The following INTS1 variants were observed in gnomAD, a reference collection of about 807,000 sequenced individuals.
INTS1 encodes the protein integrator complex subunit 1.
Under a neutral mutation model 241.6 loss-of-function variants are expected in INTS1, and 137 were observed. The ratio of observed to expected loss-of-function variants is 0.57; its 90% CI spans 0.49 to 0.65. The LOEUF (loss-of-function observed/expected upper bound fraction) is 0.65, where lower values mean the gene tolerates loss of function less well. Ranked by LOEUF, INTS1 falls within the 30% of genes least tolerant of loss-of-function variation. The pLI, the probability that INTS1 is intolerant of heterozygous loss-of-function variation, is 0.00. For missense variants in INTS1, 3,073 were observed against 3,032.2 expected (o/e 1.01, Z -0.32); for synonymous variants, 1,692 against 1,337.8 (o/e 1.26, Z -5.78).
chr7:1,503,224 T>C, intron 2 of INTS1, 33 bp from the exon 3 acceptor site: 1 of 1,512,870 alleles, frequency 6.6e-7, no homozygotes, highest in Non-Finnish European at 8.8e-7. Context: ...ACCGGGCACA[T>C]TTGCAACACC....
intron 31 of INTS1, 83 bp from the exon 32 acceptor site, chr7:1,478,968 A>G (rs999609404): frequency 2.1e-6 from 3 of 1,452,282 alleles, no homozygotes; most frequent in Non-Finnish European, 2.8e-6. Flanking sequence ...AGGGCCCGTG[A>G]GGCTGCTGAG....
At chr7:1,479,749 G>A in intron 30 of INTS1, 65 bp from the exon 31 acceptor site, 1 of 1,417,222 alleles carries the variant, frequency 7.1e-7, no homozygotes, top group Non-Finnish European at 9.2e-7. Flanking sequence ...CAGCGGAGAG[G>A]CTAAGCGCCC....
intron 26 of INTS1, chr7:1,483,196 C>T (rs537087981): frequency 1.3e-3 from 287 of 218,686 alleles, no homozygotes; most frequent in Admixed American, 4.1e-3. Context: ...CCCCCTTCCC[C>T]CACTGACAGA....
Position 1,502,936 on chromosome 7 carries a change from G to T in INTS1, c.314C>A (p.Pro105Gln). 1.2e-6 allele frequency: 2 copies of T among 1,613,842 alleles called. No individual in the cohort carries two copies. Among genetic ancestry groups the T allele is most frequent in the Non-Finnish European group, 1.7e-6 (2 of 1,179,876 alleles). ...AAVAEKRAIS[P>Q]SIKEPSVVPI... Reference sequence around the variant, plus strand: ...CACCACAGATGGCTCTTTAATCGACGGAGAAATGGCTCGTTTTTCTGCCAC... The same window carrying T: ...CACCACAGATGGCTCTTTAATCGACTGAGAAATGGCTCGTTTTTCTGCCAC... The change falls in exon 3 of 48, where the codon CCG becomes CAG. Residue 105 changes from proline to glutamine, a missense_variant. Physicochemically the swap from Pro to Gln is moderately conservative, Grantham distance 76. Transcript: ENST00000404767.
In INTS1 at chr7:1,473,547, G is replaced by A. The variant is rs1200178669; in HGVS notation, c.5957+19C>T. ...CTCGCCGGAGGCCCGAGGCTTCCCTGCAGCCCGTGGGCACTCACTGGAGCG... is the reference window on the plus strand; with the variant it reads ...CTCGCCGGAGGCCCGAGGCTTCCCTACAGCCCGTGGGCACTCACTGGAGCG... On this transcript the variant is annotated intron_variant, in intron 42 of 47. Coordinates refer to ENST00000404767, the MANE Select transcript of INTS1 (RefSeq NM_001080453.3). 1.3e-6 allele frequency: 2 copies of A among 1,573,800 alleles called. No homozygotes were observed. The highest frequency in any genetic ancestry group is 1.7e-6 in the Non-Finnish European group (2 of 1,160,734).
At chr7:1,490,473 G>C (rs547179359) in intron 16 of INTS1, among the ~76,000 whole-genome samples, 25 of 152,302 alleles carry the variant, frequency 1.6e-4, no homozygotes, top group Non-Finnish European at 2.6e-4. Context: ...AAGGGTGTCA[G>C]CTCCGGATAA....
intron 3 of INTS1, 73 bp from the exon 4 acceptor site, chr7:1,500,439 GACC>G: frequency 7.0e-7 from 1 of 1,420,370 alleles, no homozygotes; most frequent in Non-Finnish European, 9.3e-7. Context: ...ACACCGGGAA[GACC>G]ACGAGGAACC....
rs1260362817 is a variant in INTS1 at position 1,499,696 on chromosome 7, C to T, written c.685-64G>A. On this transcript the variant is annotated intron_variant, in intron 5 of 47. Coordinates refer to ENST00000404767, the MANE Select transcript of INTS1 (RefSeq NM_001080453.3). The stretch of plus-strand genomic sequence containing the variant: ...GGCAGCAGCCAGGTTGGGGAACACC[C>T]GCCTGCTGCCCGGGGACTGGGTGCC... 2.4e-5 allele frequency: 37 copies of T among 1,527,392 alleles called. No homozygotes were observed. In the South Asian group the frequency reaches 3.0e-4, roughly 12 times the overall value. 94.6% of individuals were successfully genotyped at this position (1,527,392 alleles called of 1,614,324 possible).
chr7:1,498,763 C>A lies in INTS1; in HGVS notation c.1227G>T (p.Leu409=), dbSNP rs1451019251. ...CCTTGGGCTTGAGGCGGATCTTGAT[C>A]AGGTGTGAGATGACGTCCATGTCTT... ...GSEDMDVISH[L]IKIRLKPKVL... Residue 409 remains leucine (L), a synonymous_variant, in exon 9 of 48, where the codon CTG becomes CTT. Coordinates refer to ENST00000404767, the MANE Select transcript of INTS1 (RefSeq NM_001080453.3). 1.9e-6 allele frequency: 3 copies of A among 1,582,314 alleles called. No individual in the cohort carries two copies. Among genetic ancestry groups the A allele is most frequent in the Middle Eastern group, 1.7e-4 (1 of 6,028 alleles).
rs910189913 is a variant in INTS1 at position 1,488,021 on chromosome 7, C to T, written c.2319-64G>A. The T allele has an allele frequency of 3.4e-5, 52 of 1,533,436 alleles. No homozygotes were observed. The Admixed American group carries it at 7.4e-4, about 22-fold the overall frequency. The allele number at this position is 1,533,436 out of a possible 1,614,324, so 95.0% of individuals were successfully genotyped here. A position where few individuals can be genotyped will look rare whatever the true frequency, so the allele number is the denominator to read the frequency against. Reference sequence around the variant, plus strand: ...TGAAGGGCTCACTCCCAGTGGGCCACGCTCAGGGTCAAGGAGGGTAAAACC... The same window carrying T: ...TGAAGGGCTCACTCCCAGTGGGCCATGCTCAGGGTCAAGGAGGGTAAAACC... On this transcript the variant is annotated intron_variant, in intron 18 of 47. Transcript: ENST00000404767.
Position 1,496,106 on chromosome 7 carries a change from T to C in INTS1, c.1711+50A>G, listed in dbSNP as rs1193591352. On this transcript the variant is annotated intron_variant, in intron 12 of 47. Coordinates refer to ENST00000404767, the MANE Select transcript of INTS1 (RefSeq NM_001080453.3). ...CTCGGAGAGCCGCCAGCCACCAGCC[T>C]GGACCCGAGACCCCCACCAAGCAGG... 2.7e-6 allele frequency: 4 copies of C among 1,474,982 alleles called. No homozygotes were observed. The African/African-American group carries it at 4.2e-5, about 15-fold the overall frequency. 91.4% of individuals were successfully genotyped at this position (1,474,982 alleles called of 1,614,324 possible).
At position 1,475,072 on chromosome 7, in the gene INTS1, C is replaced by T. The variant is rs551278350; in HGVS notation, c.5503-234G>A. Among the ~76,000 whole-genome samples the T allele has an allele frequency of 3.3e-5, 5 of 152,228 alleles. No individual in the cohort carries two copies. In the South Asian group the frequency reaches 6.2e-4, roughly 19 times the overall value. ...GCTCCACACCAAATGATACAATGAG[C>T]GGGAAACAAGCCAAAACTACACATC... On this transcript the variant is annotated intron_variant, in intron 39 of 47. Transcript: ENST00000404767.
intron 19 of INTS1, 147 bp from the exon 20 acceptor site, chr7:1,487,596 C>A: frequency 7.8e-7 from 1 of 1,281,782 alleles, no homozygotes; most frequent in Non-Finnish European, 1.1e-6. Context: ...AAGGCCTGGC[C>A]CCACAGCAGT....
intron 44 of INTS1, 40 bp downstream of exon 44, chr7:1,472,233 G>A: frequency 2.1e-6 from 3 of 1,451,298 alleles, no homozygotes; most frequent in Non-Finnish European, 1.9e-6. Flanking sequence ...ATGGGACCCA[G>A]GGCGCTGACC....
chr7:1,493,904 GGAA>G lies in INTS1; in HGVS notation c.1915_1917del (p.Phe639del), dbSNP rs760105136. ...ATGGGCACCTCGGAGCACAGACGCA[GGAA>G]GAAGCTGCGGGGTGGGGGAGGCATG... On this transcript the variant is annotated inframe_deletion, in exon 15 of 48. Coordinates refer to ENST00000404767, the MANE Select transcript of INTS1 (RefSeq NM_001080453.3). The surrounding 1 kb of genome is among the most constrained non-coding windows in gnomAD (Gnocchi z 5.3). 2 of 1,560,740 alleles carry G rather than the reference GGAA, an allele frequency of 1.3e-6. No homozygotes were observed. Among genetic ancestry groups the G allele is most frequent in the African/African-American group, 1.4e-5 (1 of 73,604 alleles).
chr7:1,471,152 A>G lies in INTS1; in HGVS notation c.6328T>C (p.Ser2110Pro). Residue 2110 changes from serine to proline, a missense_variant, in exon 46 of 48, where the codon TCC (serine) becomes CCC (proline). Ser to Pro is a moderately conservative substitution (Grantham distance 74). Transcript: ENST00000404767. ...RNLAFSLALR[S>P]MQNSPSIAAA... ...CCTCACCTGGGGCTGTTCTGCATGG[A>G]GCGCAGGGCCAGGCTGAAGGCGAGG... is the stretch of plus-strand genomic sequence containing the variant. 6.3e-7 allele frequency: 1 copy of G among 1,576,004 alleles called. No homozygotes were observed.
At chr7:1,495,085 C>T (rs189263162) in intron 13 of INTS1, among the ~76,000 whole-genome samples, 192 bp from the exon 14 acceptor site, 3 of 148,044 alleles carry the variant, frequency 2.0e-5, no homozygotes, top group Admixed American at 2.0e-4. Flanking sequence ...CCAGGCTGCA[C>T]AGCGGCCGAA....
At chr7:1,474,586 A>G (rs1781625060) in intron 40 of INTS1, 119 bp downstream of exon 40, 2 of 1,377,344 alleles carry the variant, frequency 1.5e-6, no homozygotes, top group South Asian at 1.4e-5. Context: ...AGCTCAGCCC[A>G]TGGGAACATG....
intron 44 of INTS1, chr7:1,471,879 C>A: frequency 3.4e-6 from 2 of 588,158 alleles, no homozygotes; most frequent in Non-Finnish European, 6.1e-6. Context: ...GCCCCATATC[C>A]AGGGTGCTCT....
Sources: allele counts gnomAD v4.1 joint callset (sites outside exome capture counted in the v4.1 genomes callset), GRCh38; gene constraint gnomAD v4.1.1; non-coding constraint Gnocchi (gnomAD v3.1); transcripts MANE v1.5; gene names NCBI Gene and HGNC (gene_info 2026-07-23, HGNC 2026-07-21).